The following RIMS1 variants were observed in gnomAD, a reference collection of about 807,000 sequenced individuals.
RIMS1 encodes regulating synaptic membrane exocytosis protein 1.
In RIMS1, 83 loss-of-function variants were observed where a neutral mutation model predicts 214.1. That is an observed-to-expected ratio of 0.39 (90% confidence interval 0.32 to 0.47). The LOEUF (loss-of-function observed/expected upper bound fraction) is 0.47. Ranked by LOEUF, RIMS1 falls within the 20% of genes least tolerant of loss-of-function variation. The pLI, the probability that RIMS1 is intolerant of heterozygous loss-of-function variation, is 0.99. For synonymous variants in RIMS1, 793 were observed against 786.8 expected, an observed-to-expected ratio of 1.01 and a Z score of -0.13; for missense variants, 2,050 against 2,161.8, an observed-to-expected ratio of 0.95 and a Z score of 1.03.
At chr6:71,954,382 CT>C (rs1318846442) in intron 1 of RIMS1, among the ~76,000 whole-genome samples, 4 of 152,162 alleles carry the variant, frequency 2.6e-5, no homozygotes, top group Non-Finnish European at 4.4e-5. Flanking sequence ...ATGGTTTGGA[CT>C]TTTCCTGAAC....
intron 1 of RIMS1, among the ~76,000 whole-genome samples, chr6:71,910,475 C>T (rs907769747): frequency 3.3e-5 from 5 of 152,092 alleles, no homozygotes; most frequent in Admixed American, 6.6e-5. Flanking sequence ...CCCGTCCATG[C>T]GTACACACTA....
At chr6:72,187,495 T>G (rs1256769239) in intron 6 of RIMS1, among the ~76,000 whole-genome samples, 18 of 149,898 alleles carry the variant, frequency 1.2e-4, no homozygotes, top group African/African-American at 3.9e-4. Flanking sequence ...TTTTTTTTTT[T>G]GGAGACAGAG....
At chr6:71,951,088 T>C (rs192843458) in intron 1 of RIMS1, among the ~76,000 whole-genome samples, 43 of 152,318 alleles carry the variant, frequency 2.8e-4, no homozygotes, top group African/African-American at 9.1e-4. Context: ...AGTTGTAAAA[T>C]TGGAAGACGT....
intron 22 of RIMS1, among the ~76,000 whole-genome samples, chr6:72,271,289 ATATATATATATAT>A (rs1563345710): frequency 1.6e-3 from 23 of 13,986 alleles, no homozygotes; most frequent in Admixed American, 4.0e-3. Context: ...AAAAAAAAAT[ATATATATATATAT>A]ATATATATAT....
chr6:71,937,786 A>G (rs946530417), intron 1 of RIMS1, among the ~76,000 whole-genome samples: 1 of 152,198 alleles, frequency 6.6e-6, no homozygotes. Context: ...ATATTTCAAC[A>G]TAAATTATGA....
At position 72,400,767 on chromosome 6, in the gene RIMS1, C is replaced by T; in HGVS notation, c.*53C>T. On this transcript the variant is annotated 3_prime_UTR_variant, in exon 34 of 34. Transcript: ENST00000521978. Reference sequence around the variant, plus strand: ...AAACTCTACTTTTCAGGATAATAATCTGAACCAGATATTTCATGATCGAAA... The same window carrying T: ...AAACTCTACTTTTCAGGATAATAATTTGAACCAGATATTTCATGATCGAAA... 7.4e-7 allele frequency: 1 copy of T among 1,357,730 alleles called. No homozygotes were observed. The highest frequency in any genetic ancestry group is 1.0e-6 in the Non-Finnish European group (1 of 964,506). 84.1% of individuals were successfully genotyped at this position (1,357,730 alleles called of 1,614,324 possible).
intron 1 of RIMS1, among the ~76,000 whole-genome samples, chr6:71,958,286 GT>G (rs1269839920): frequency 3.3e-5 from 5 of 152,066 alleles, no homozygotes; most frequent in African/African-American, 1.2e-4. Context: ...AATCATCAGG[GT>G]TTCCCAGTGA....
chr6:72,103,056 C>T (rs1433129721), intron 4 of RIMS1, among the ~76,000 whole-genome samples: 4 of 151,640 alleles, frequency 2.6e-5, no homozygotes, highest in Non-Finnish European at 4.4e-5. Context: ...GAAATTCTTC[C>T]CAGAAAAATA....
chr6:71,937,135 A>G (rs1784685439), intron 1 of RIMS1, among the ~76,000 whole-genome samples: 1 of 151,814 alleles, frequency 6.6e-6, no homozygotes, highest in South Asian at 2.1e-4. Context: ...TTTCAGAGTC[A>G]AACTAATGGG....
At chr6:71,979,595 A>C (rs1378326809) in intron 2 of RIMS1, among the ~76,000 whole-genome samples, 2 of 152,112 alleles carry the variant, frequency 1.3e-5, no homozygotes, top group East Asian at 3.8e-4. Context: ...ATGATCTTAC[A>C]GTGTACTTGA....
chr6:72,058,781 A>G (rs372311695), intron 2 of RIMS1, among the ~76,000 whole-genome samples: 111 of 152,342 alleles, frequency 7.3e-4, no homozygotes, highest in African/African-American at 2.5e-3. Flanking sequence ...GCTTAACATG[A>G]ACATGAGAAA....
chr6:71,908,373 C>T (rs137998057), intron 1 of RIMS1, among the ~76,000 whole-genome samples: 81 of 152,260 alleles, frequency 5.3e-4, no homozygotes, highest in African/African-American at 1.9e-3. Context: ...TTGTCTGGCC[C>T]TTAGGGCTCT....
chr6:72,153,186 C>G (rs1257213305), intron 4 of RIMS1, among the ~76,000 whole-genome samples: 1 of 149,426 alleles, frequency 6.7e-6, no homozygotes, highest in Non-Finnish European at 1.5e-5. Context: ...CTCCAATAGA[C>G]CTCATAACGA....
At chr6:71,987,099 T>G (rs180912822) in intron 2 of RIMS1, among the ~76,000 whole-genome samples, 1 of 152,178 alleles carries the variant, frequency 6.6e-6, no homozygotes, top group East Asian at 1.9e-4. Flanking sequence ...ATTTTATATA[T>G]GGTAGAGGTG....
intron 4 of RIMS1, among the ~76,000 whole-genome samples, chr6:72,149,136 A>AG (rs2043162368): frequency 6.6e-6 from 1 of 152,158 alleles, no homozygotes; most frequent in African/African-American, 2.4e-5. Context: ...TTCCTTCAAC[A>AG]GGGGAAAAAA....
chr6:72,311,558 G>T (rs1260383822), intron 27 of RIMS1, among the ~76,000 whole-genome samples: 2 of 152,026 alleles, frequency 1.3e-5, no homozygotes, highest in African/African-American at 4.8e-5. Context: ...AATTTCCTTT[G>T]AATTCTAATT....
At chr6:72,103,032 A>C (rs1316527259) in intron 4 of RIMS1, among the ~76,000 whole-genome samples, 1 of 152,064 alleles carries the variant, frequency 6.6e-6, no homozygotes, top group Non-Finnish European at 1.5e-5. Flanking sequence ...GATTTCTCTG[A>C]CAAAAGTTCT....
At chr6:72,030,267 A>C (rs2152003388) in intron 2 of RIMS1, among the ~76,000 whole-genome samples, 2 of 152,260 alleles carry the variant, frequency 1.3e-5, no homozygotes, top group African/African-American at 4.8e-5. Flanking sequence ...GGGTCTTTGG[A>C]CTACATTTTG....
At chr6:72,250,578 A>G (rs75977068) in intron 13 of RIMS1, 118 bp downstream of exon 13, 1 of 686,004 alleles carries the variant, frequency 1.5e-6, no homozygotes, top group Non-Finnish European at 2.3e-6. Context: ...AGATAAAAGT[A>G]CATTATCTCT....
Sources: allele counts gnomAD v4.1 joint callset (sites outside exome capture counted in the v4.1 genomes callset), GRCh38; gene constraint gnomAD v4.1.1; transcripts MANE v1.5; gene names NCBI Gene and HGNC (gene_info 2026-07-23, HGNC 2026-07-21).